Variants in CREM observed in about 807,000 individuals in gnomAD.
CREM encodes cAMP-responsive element modulator.
In CREM, 13 loss-of-function variants were observed where a neutral mutation model predicts 37.3. The observed-to-expected ratio is 0.35, with a 90% CI of 0.23 to 0.55. CREM has a LOEUF of 0.55. CREM is among the 20% of genes least tolerant of loss of function. The probability of loss-of-function intolerance (pLI) is 0.88; values close to 1 mark genes in which losing one functional copy is unlikely to be tolerated. For missense variants in CREM, 296 were observed against 362.3 expected, an observed-to-expected ratio of 0.82 and a Z score of 1.49; for synonymous variants, 124 against 120.2, an observed-to-expected ratio of 1.03 and a Z score of -0.21.
chr10:35,196,134 A>T (rs1762792412), intron 6 of CREM: 1 of 1,611,960 alleles, frequency 6.2e-7, no homozygotes, highest in Non-Finnish European at 8.5e-7. Flanking sequence ...CCGTCCCTGC[A>T]TGCGCCTGGT....
Position 35,156,630 on chromosome 10 carries a change from A to G in CREM, c.168+8139A>G, listed in dbSNP as rs188093844. ...CCAGACTATTAAGAATTATATTTGG[A>G]AAACAGAGGCTTTGGGAAATTTCTG... On this transcript the variant is annotated intron_variant, in intron 3 of 7. Transcript: ENST00000685392. 3.5e-3 allele frequency among the ~76,000 whole-genome samples: 531 copies of G among 152,336 alleles called. 2 individuals are homozygous for G. The highest frequency in any genetic ancestry group is 6.2e-3 in the Non-Finnish European group (425 of 68,040).
At chr10:35,196,865 C>CTTTTTTT (rs58503822) in intron 6 of CREM, among the ~76,000 whole-genome samples, 2,878 of 108,754 alleles carry the variant, frequency 0.026, 233 homozygotes, top group South Asian at 0.091. Context: ...ACGCTGTGTA[C>CTTTTTTT]TTTTTTTTTT....
At chr10:35,167,177 A>G (rs1237050083) in intron 3 of CREM, among the ~76,000 whole-genome samples, 1 of 152,210 alleles carries the variant, frequency 6.6e-6, no homozygotes, top group African/African-American at 2.4e-5. Flanking sequence ...AATATTTTAC[A>G]TCTTTATTCA....
chr10:35,169,618 C>A (rs1329360675), intron 3 of CREM, among the ~76,000 whole-genome samples: 1 of 152,192 alleles, frequency 6.6e-6, no homozygotes, highest in African/African-American at 2.4e-5. Context: ...CTGGCCAGAA[C>A]TGCCAACACT....
intron 3 of CREM, among the ~76,000 whole-genome samples, chr10:35,165,998 TG>T (rs2093531855): frequency 6.6e-6 from 1 of 152,196 alleles, no homozygotes; most frequent in East Asian, 1.9e-4. Flanking sequence ...ACATGAAATT[TG>T]ACCATTTACG....
At chr10:35,164,917 G>T (rs1017329211) in intron 3 of CREM, among the ~76,000 whole-genome samples, 1 of 152,080 alleles carries the variant, frequency 6.6e-6, no homozygotes, top group African/African-American at 2.4e-5. Flanking sequence ...TGGGCATGGT[G>T]GCAGGCGCCT....
intron 3 of CREM, chr10:35,154,088 A>G (rs2092752960): frequency 2.5e-6 from 1 of 398,490 alleles, no homozygotes. Flanking sequence ...GTCCCTCGGA[A>G]TAAAGCAGCC....
chr10:35,175,616 AT>A, intron 3 of CREM: 1 of 1,558,364 alleles, frequency 6.4e-7, no homozygotes, highest in Middle Eastern at 1.7e-4. Context: ...CCACCGAAGT[AT>A]GGGCACCAAA....
chr10:35,147,047 T>G (rs548598588), intron 2 of CREM, among the ~76,000 whole-genome samples: 11 of 67,994 alleles, frequency 1.6e-4, no homozygotes, highest in African/African-American at 3.8e-4. Context: ...TTGGGTTTTT[T>G]TTTTTTTTTT....
intron 3 of CREM, among the ~76,000 whole-genome samples, chr10:35,149,401 A>G (rs943877046): frequency 1.3e-5 from 2 of 152,114 alleles, no homozygotes; most frequent in Non-Finnish European, 2.9e-5. Flanking sequence ...CCAGCTGGTA[A>G]AGGTAAGTAG....
At chr10:35,169,775 CTAATTTATTGAGAGT>C (rs1223189671) in intron 3 of CREM, among the ~76,000 whole-genome samples, 17 of 152,006 alleles carry the variant, frequency 1.1e-4, no homozygotes, top group Admixed American at 1.1e-3. Flanking sequence ...CCATCAATAC[CTAATTTATTGAGAGT>C]TTTTAGCATG....
At chr10:35,187,013 T>TATA (rs1324447600) in intron 5 of CREM, among the ~76,000 whole-genome samples, 19 of 84,324 alleles carry the variant, frequency 2.3e-4, no homozygotes, top group African/African-American at 9.6e-4. Context: ...TATAATATAA[T>TATA]ATATAATATA....
At chr10:35,151,616 C>T (rs1372677985) in intron 3 of CREM, among the ~76,000 whole-genome samples, 1 of 152,220 alleles carries the variant, frequency 6.6e-6, no homozygotes, top group Non-Finnish European at 1.5e-5. Flanking sequence ...TCAAGCAGTC[C>T]ACCTGCTTTG....
chr10:35,160,040 A>G (rs1023709795), intron 3 of CREM, among the ~76,000 whole-genome samples: 9 of 152,136 alleles, frequency 5.9e-5, no homozygotes, highest in Non-Finnish European at 1.3e-4. Flanking sequence ...ATGATCCAAC[A>G]GAACCAATGG....
intron 6 of CREM, among the ~76,000 whole-genome samples, chr10:35,190,111 A>G (rs1351960365): frequency 2.0e-5 from 3 of 152,162 alleles, no homozygotes; most frequent in Non-Finnish European, 4.4e-5. Context: ...TTCTCATTTT[A>G]TCTTTGTTAC....
At chr10:35,188,973 C>T (rs549683089) in intron 6 of CREM, among the ~76,000 whole-genome samples, 11 of 152,066 alleles carry the variant, frequency 7.2e-5, no homozygotes, top group Admixed American at 3.3e-4. Flanking sequence ...CGCACCCGGC[C>T]ACATGAATGA....
At chr10:35,154,003 C>G (rs1564827694) in intron 3 of CREM, 2 of 397,894 alleles carry the variant, frequency 5.0e-6, no homozygotes, top group Non-Finnish European at 8.9e-6. Context: ...AAGTGACTGA[C>G]TCTTCTGAAT....
intron 1 of CREM, among the ~76,000 whole-genome samples, chr10:35,133,996 GTT>G (rs1330189118): frequency 2.7e-5 from 4 of 150,320 alleles, no homozygotes; most frequent in Non-Finnish European, 5.9e-5. Flanking sequence ...TATATACCTA[GTT>G]TTTCCAGAAA....
At chr10:35,171,243 C>T (rs1381527838) in intron 3 of CREM, 5 of 137,970 alleles carry the variant, frequency 3.6e-5, no homozygotes, top group Non-Finnish European at 7.6e-5. Context: ...ATGATCTCAG[C>T]TCACTGCAAC....
Sources: gnomAD v4.1 joint callset for allele counts (sites outside exome capture counted in the v4.1 genomes callset) on GRCh38, gnomAD v4.1.1 for gene constraint, MANE v1.5 for transcripts, NCBI Gene and HGNC (gene_info 2026-07-23, HGNC 2026-07-21) for gene names.